The following LRRC1 variants were observed in gnomAD, a reference collection of about 807,000 sequenced individuals.
The protein encoded by LRRC1 is leucine-rich repeat-containing protein 1.
In LRRC1, 28 loss-of-function variants were observed where a neutral mutation model predicts 69.9. The ratio of observed to expected loss-of-function variants is 0.40; its 90% CI spans 0.30 to 0.55. The LOEUF (loss-of-function observed/expected upper bound fraction) is 0.55, where lower values mean the gene tolerates loss of function less well. LRRC1 is among the 20% of genes least tolerant of loss of function. The pLI, the probability that LRRC1 is intolerant of heterozygous loss-of-function variation, is 0.47. For synonymous variants in LRRC1, 236 were observed against 240.2 expected, an observed-to-expected ratio of 0.98 and a Z score of 0.16; for missense variants, 498 against 609.0, an observed-to-expected ratio of 0.82 and a Z score of 1.92.
intron 1 of LRRC1, among the ~76,000 whole-genome samples, chr6:53,805,520 A>G (rs576418870): frequency 6.6e-6 from 1 of 152,242 alleles, no homozygotes; most frequent in South Asian, 2.1e-4. Flanking sequence ...AGATCCTCTT[A>G]CTTGAAGATG....
rs370137799 is a variant in LRRC1, at chr6:53,919,878, T to C, written c.1279+208T>C. ...GGGCCACTCCTATCTATTTATCATG[T>C]TTGAAATTCCATAAGCAGTTTTTTG... On this transcript the variant is annotated intron_variant, in intron 12 of 13. Transcript: ENST00000370888. Among the ~76,000 whole-genome samples the C allele has an allele frequency of 1.7e-4, 26 of 152,336 alleles. No individual in the cohort carries two copies. The East Asian group carries it at 1.9e-3, about 11-fold the overall frequency.
At chr6:53,905,985 C>G (rs1768221232) in intron 10 of LRRC1, among the ~76,000 whole-genome samples, 1 of 152,204 alleles carries the variant, frequency 6.6e-6, no homozygotes, top group Non-Finnish European at 1.5e-5. Context: ...TGAATTTACT[C>G]TTGCTGAATA....
At chr6:53,798,049 G>A (rs73430206) in intron 1 of LRRC1, among the ~76,000 whole-genome samples, 2,935 of 152,322 alleles carry the variant, frequency 0.019, 96 homozygotes, top group African/African-American at 0.068. Context: ...TGGGAATATA[G>A]AGATTAAAGG....
At chr6:53,906,914 C>G (rs1324995306) in intron 10 of LRRC1, among the ~76,000 whole-genome samples, 2 of 152,204 alleles carry the variant, frequency 1.3e-5, no homozygotes, top group Non-Finnish European at 2.9e-5. Context: ...CAGCTCCCAG[C>G]GTAGGAAAAT....
chr6:53,905,430 G>A (rs1237336452), intron 10 of LRRC1: 1 of 151,862 alleles, frequency 6.6e-6, no homozygotes, highest in Non-Finnish European at 1.5e-5. Context: ...ATAATACTGA[G>A]CTTGATTTTT....
chr6:53,814,740 T>TTTAGGGGA (rs1764901552), intron 1 of LRRC1, among the ~76,000 whole-genome samples: 1 of 152,226 alleles, frequency 6.6e-6, no homozygotes, highest in Non-Finnish European at 1.5e-5. Flanking sequence ...TTGGTTGGTC[T>TTTAGGGGA]TTAGGGGATA....
chr6:53,822,239 A>G (rs1048975019), intron 1 of LRRC1, among the ~76,000 whole-genome samples: 1 of 152,306 alleles, frequency 6.6e-6, no homozygotes, highest in South Asian at 2.1e-4. Context: ...GTGAAGGCTC[A>G]GATGCCAGAG....
At chr6:53,888,601 A>G (rs1304316732) in intron 4 of LRRC1, among the ~76,000 whole-genome samples, 2 of 152,208 alleles carry the variant, frequency 1.3e-5, no homozygotes, top group African/African-American at 2.4e-5. Context: ...AAAGATATCA[A>G]AACAATTCAG....
intron 1 of LRRC1, among the ~76,000 whole-genome samples, chr6:53,822,811 C>T: frequency 6.6e-6 from 1 of 152,178 alleles, no homozygotes; most frequent in East Asian, 1.9e-4. Flanking sequence ...AATTCATTGT[C>T]TGTGACTGTT....
chr6:53,850,045 A>C (rs1039373706), intron 2 of LRRC1, among the ~76,000 whole-genome samples: 3 of 144,656 alleles, frequency 2.1e-5, no homozygotes, highest in African/African-American at 5.1e-5. Flanking sequence ...TAACAACTGT[A>C]GCTCATAATA....
intron 10 of LRRC1, among the ~76,000 whole-genome samples, chr6:53,913,203 T>A (rs1174305922): frequency 6.6e-6 from 1 of 152,108 alleles, no homozygotes; most frequent in Non-Finnish European, 1.5e-5. Context: ...GATGTATGGA[T>A]TTACTCAGTT....
chr6:53,833,876 T>C (rs866319153), intron 1 of LRRC1, among the ~76,000 whole-genome samples: 1 of 152,226 alleles, frequency 6.6e-6, no homozygotes, highest in Admixed American at 6.5e-5. Flanking sequence ...TATTAGTACA[T>C]GAATATAAAC....
At chr6:53,825,495 T>G (rs1467982547) in intron 1 of LRRC1, among the ~76,000 whole-genome samples, 1 of 152,172 alleles carries the variant, frequency 6.6e-6, no homozygotes, top group Non-Finnish European at 1.5e-5. Context: ...AGATAAGTCA[T>G]TGGTATGGGA....
At chr6:53,912,144 G>A (rs987014426) in intron 10 of LRRC1, among the ~76,000 whole-genome samples, 8 of 152,172 alleles carry the variant, frequency 5.3e-5, no homozygotes, top group Non-Finnish European at 8.8e-5. Flanking sequence ...GGTAGATAGC[G>A]TGAATACTAT....
intron 2 of LRRC1, among the ~76,000 whole-genome samples, chr6:53,872,052 G>C (rs1766903123): frequency 6.6e-6 from 1 of 152,100 alleles, no homozygotes; most frequent in Admixed American, 6.5e-5. Context: ...CATTTCTCCT[G>C]TTTTCCTTTG....
intron 1 of LRRC1, among the ~76,000 whole-genome samples, chr6:53,810,378 T>G (rs896365295): frequency 4.6e-5 from 7 of 152,218 alleles, no homozygotes; most frequent in Non-Finnish European, 2.9e-5. Flanking sequence ...CCCAGCACTT[T>G]GGGAGGCCGA....
At chr6:53,831,650 C>A (rs1357605956) in intron 1 of LRRC1, among the ~76,000 whole-genome samples, 1 of 152,112 alleles carries the variant, frequency 6.6e-6, no homozygotes, top group African/African-American at 2.4e-5. Flanking sequence ...GAGATAAAGT[C>A]CTTTTCTTTC....
chr6:53,910,863 G>A (rs934407972), intron 10 of LRRC1, among the ~76,000 whole-genome samples: 20 of 152,190 alleles, frequency 1.3e-4, no homozygotes, highest in Non-Finnish European at 8.8e-5. Flanking sequence ...TATCTTTTCA[G>A]TTATGGGTTT....
At chr6:53,824,532 T>A (rs935370757) in intron 1 of LRRC1, among the ~76,000 whole-genome samples, 3 of 152,168 alleles carry the variant, frequency 2.0e-5, no homozygotes, top group Non-Finnish European at 4.4e-5. Flanking sequence ...TCACAATTAC[T>A]TTTGGTGTCT....
Sources: gnomAD v4.1 joint callset for allele counts (sites outside exome capture counted in the v4.1 genomes callset) on GRCh38, gnomAD v4.1.1 for gene constraint, MANE v1.5 for transcripts, NCBI Gene and HGNC (gene_info 2026-07-23, HGNC 2026-07-21) for gene names.